Variants in KCNIP4 observed in about 807,000 individuals in gnomAD.
KCNIP4 encodes the protein Kv channel-interacting protein 4.
Under a neutral mutation model 34.0 loss-of-function variants are expected in KCNIP4, and 12 were observed. That is an observed-to-expected ratio of 0.35 (90% CI 0.23 to 0.57). KCNIP4 has a LOEUF of 0.57. KCNIP4 is among the 20% of genes least tolerant of loss of function. The pLI is 0.83. For missense variants in KCNIP4, 238 were observed against 311.7 expected, an observed-to-expected ratio of 0.76 and a Z score of 1.78; for synonymous variants, 124 against 102.2, an observed-to-expected ratio of 1.21 and a Z score of -1.29.
At chr4:21,820,420 A>G (rs1431458951) in intron 1 of KCNIP4, among the ~76,000 whole-genome samples, 2 of 151,386 alleles carry the variant, frequency 1.3e-5, no homozygotes, top group Non-Finnish European at 2.9e-5. Flanking sequence ...TGGTTTATCC[A>G]TGGTCAGACA....
intron 3 of KCNIP4, among the ~76,000 whole-genome samples, chr4:20,819,971 C>CA (rs778759020): frequency 2.6e-5 from 4 of 152,294 alleles, no homozygotes; most frequent in Non-Finnish European, 4.4e-5. Flanking sequence ...TTTGTTATAG[C>CA]ACCAGGAACT....
At chr4:21,696,251 G>A (rs1326936585) in intron 1 of KCNIP4, among the ~76,000 whole-genome samples, 2 of 151,980 alleles carry the variant, frequency 1.3e-5, no homozygotes, top group Non-Finnish European at 2.9e-5. Context: ...TGTATATGCA[G>A]TTTAGTTAAT....
At chr4:21,712,804 C>A (rs1022571238) in intron 1 of KCNIP4, among the ~76,000 whole-genome samples, 4 of 152,140 alleles carry the variant, frequency 2.6e-5, no homozygotes, top group Admixed American at 2.6e-4. Context: ...CTGGTCATAG[C>A]AGCCATTAGT....
intron 1 of KCNIP4, among the ~76,000 whole-genome samples, chr4:21,415,161 T>C (rs1327602902): frequency 6.6e-6 from 1 of 152,096 alleles, no homozygotes; most frequent in Non-Finnish European, 1.5e-5. Flanking sequence ...TGAAGGAGTC[T>C]TAGGACATTA....
chr4:21,236,335 G>T (rs1274956542), intron 1 of KCNIP4, among the ~76,000 whole-genome samples: 2 of 152,106 alleles, frequency 1.3e-5, no homozygotes, highest in African/African-American at 4.8e-5. Context: ...CATTAACAAA[G>T]AACTGGACTG....
At chr4:21,741,476 C>T (rs988017658) in intron 1 of KCNIP4, among the ~76,000 whole-genome samples, 7 of 152,140 alleles carry the variant, frequency 4.6e-5, no homozygotes, top group African/African-American at 1.7e-4. Context: ...AAGCTTTTAT[C>T]TCTGGGATGG....
At chr4:21,348,511 G>C (rs1309907414) in intron 1 of KCNIP4, among the ~76,000 whole-genome samples, 1 of 152,148 alleles carries the variant, frequency 6.6e-6, no homozygotes, top group Non-Finnish European at 1.5e-5. Flanking sequence ...TTGGGAGTTA[G>C]CAAGCAAAGC....
At chr4:21,429,988 C>G (rs1726294628) in intron 1 of KCNIP4, among the ~76,000 whole-genome samples, 1 of 152,054 alleles carries the variant, frequency 6.6e-6, no homozygotes, top group African/African-American at 2.4e-5. Flanking sequence ...AGCAATTTCC[C>G]TTAAAAGAAA....
At chr4:21,626,168 G>C (rs956131283) in intron 1 of KCNIP4, among the ~76,000 whole-genome samples, 1 of 152,110 alleles carries the variant, frequency 6.6e-6, no homozygotes, top group Non-Finnish European at 1.5e-5. Context: ...ACTTTGAAAA[G>C]TTCCTACCTA....
rs371442282 is a variant in KCNIP4, at chr4:21,254,056, C to T, written c.62-371347G>A. On this transcript the variant is annotated intron_variant, in intron 1 of 8. Transcript: ENST00000382152. The stretch of plus-strand genomic sequence containing the variant: ...CCAGGGGTAAGGGAGAGGTGAGAAA[C>T]GAAGAACAACTGCTTAATGAGTATA... 9.7e-4 allele frequency among the ~76,000 whole-genome samples: 147 copies of T among 152,124 alleles called. 1 individual carries two copies. Among genetic ancestry groups the T allele is most frequent in the Non-Finnish European group, 1.7e-3 (116 of 68,004 alleles).
chr4:20,957,611 C>A (rs984951012), intron 1 of KCNIP4, among the ~76,000 whole-genome samples: 1 of 151,858 alleles, frequency 6.6e-6, no homozygotes, highest in East Asian at 1.9e-4. Context: ...TGACTTGGAA[C>A]GAGCTGTTTA....
intron 1 of KCNIP4, among the ~76,000 whole-genome samples, chr4:21,157,421 T>C (rs1004753155): frequency 4.6e-5 from 7 of 151,470 alleles, no homozygotes; most frequent in African/African-American, 1.7e-4. Flanking sequence ...CAAGATGGAG[T>C]AACAGGGACA....
At chr4:21,913,610 T>C (rs1428113761) in intron 1 of KCNIP4, among the ~76,000 whole-genome samples, 1 of 152,186 alleles carries the variant, frequency 6.6e-6, no homozygotes, top group African/African-American at 2.4e-5. Context: ...CAATTTCTTG[T>C]GCCAAGCATT....
At chr4:21,663,636 C>T (rs1283139530) in intron 1 of KCNIP4, among the ~76,000 whole-genome samples, 1 of 152,192 alleles carries the variant, frequency 6.6e-6, no homozygotes, top group Non-Finnish European at 1.5e-5. Context: ...GGCCTAATAA[C>T]TATGAGTGGT....
At chr4:20,765,713 TC>T (rs1755338439) in intron 3 of KCNIP4, among the ~76,000 whole-genome samples, 1 of 152,204 alleles carries the variant, frequency 6.6e-6, no homozygotes, top group Non-Finnish European at 1.5e-5. Context: ...CCATTGCATT[TC>T]TTTCATTGCC....
intron 1 of KCNIP4, among the ~76,000 whole-genome samples, chr4:21,510,186 T>G (rs965406644): frequency 4.6e-5 from 7 of 152,256 alleles, no homozygotes; most frequent in Admixed American, 3.3e-4. Context: ...TAATGAATTT[T>G]GGCTCTGAAA....
chr4:21,892,006 T>G (rs1472214872), intron 1 of KCNIP4, among the ~76,000 whole-genome samples: 1 of 152,010 alleles, frequency 6.6e-6, no homozygotes, highest in East Asian at 1.9e-4. Context: ...ACTTACAGTT[T>G]AAAAATTACA....
intron 1 of KCNIP4, among the ~76,000 whole-genome samples, chr4:21,376,549 C>T (rs1720976096): frequency 6.6e-6 from 1 of 152,230 alleles, no homozygotes; most frequent in Admixed American, 6.5e-5. Context: ...CTTCAAAATT[C>T]ATCACAAGTA....
intron 1 of KCNIP4, among the ~76,000 whole-genome samples, chr4:21,471,693 T>G (rs961824068): frequency 3.9e-5 from 6 of 152,164 alleles, no homozygotes; most frequent in Middle Eastern, 6.3e-3. Flanking sequence ...GTATCAATCT[T>G]GTGGAACAGA....
Sources: allele counts gnomAD v4.1 joint callset (sites outside exome capture counted in the v4.1 genomes callset), GRCh38; gene constraint gnomAD v4.1.1; transcripts MANE v1.5; gene names NCBI Gene and HGNC (gene_info 2026-07-23, HGNC 2026-07-21).